LRMDA: variants seen among roughly 807,000 people sequenced by gnomAD.
LRMDA encodes the protein leucine-rich melanocyte differentiation-associated protein.
LRMDA carries 18 observed loss-of-function variants against 29.8 expected under a neutral mutation model. The observed-to-expected ratio is 0.60, with a 90% CI of 0.42 to 0.90. The LOEUF (loss-of-function observed/expected upper bound fraction) is 0.90, where lower values mean the gene tolerates loss of function less well. Among genes scored for constraint, LRMDA ranks in the 40% least tolerant of loss-of-function variants. LRMDA has a pLI of 0.00. For synonymous variants in LRMDA, 125 were observed against 109.4 expected, an observed-to-expected ratio of 1.14 and a Z score of -0.89; for missense variants, 273 against 273.9, an observed-to-expected ratio of 1.00 and a Z score of 0.02.
intron 2 of LRMDA, among the ~76,000 whole-genome samples, chr10:75,763,216 T>A (rs930460310): frequency 6.6e-6 from 1 of 152,202 alleles, no homozygotes. Flanking sequence ...GGAAATATAG[T>A]GAATAAGAAA....
intron 2 of LRMDA, among the ~76,000 whole-genome samples, chr10:75,659,139 G>A (rs1315053683): frequency 2.0e-5 from 3 of 152,214 alleles, no homozygotes; most frequent in Non-Finnish European, 2.9e-5. Flanking sequence ...CAAAGTGCAC[G>A]TCTGCCCCTG....
intron 4 of LRMDA, among the ~76,000 whole-genome samples, chr10:76,048,673 A>G (rs1239675544): frequency 6.6e-6 from 1 of 152,208 alleles, no homozygotes; most frequent in Non-Finnish European, 1.5e-5. Context: ...ATTACAACAC[A>G]ACAGTCCATA....
rs146459016 is a variant in LRMDA at position 75,862,768 on chromosome 10, G to A, written c.132-173240G>A. On this transcript the variant is annotated intron_variant, in intron 2 of 6. Coordinates refer to ENST00000611255, the MANE Select transcript of LRMDA (RefSeq NM_001305581.2). ...CCATGATCAGAAGTATTCTAAATCAGGGCTGTAATTGATCCTTTCAAAGTA... is the reference window on the plus strand; with the variant it reads ...CCATGATCAGAAGTATTCTAAATCAAGGCTGTAATTGATCCTTTCAAAGTA... 4.9e-3 allele frequency among the ~76,000 whole-genome samples: 749 copies of A among 152,260 alleles called. 12 individuals carry two copies. The highest frequency in any genetic ancestry group is 0.017 in the African/African-American group (714 of 41,542).
At chr10:76,310,711 G>A (rs72817432) in intron 5 of LRMDA, among the ~76,000 whole-genome samples, 3,160 of 152,206 alleles carry the variant, frequency 0.021, 62 homozygotes, top group Non-Finnish European at 0.033. Flanking sequence ...CAAGTTTAAG[G>A]CCATATTTTT....
chr10:75,852,150 G>A (rs1010506529), intron 2 of LRMDA, among the ~76,000 whole-genome samples: 4 of 152,186 alleles, frequency 2.6e-5, no homozygotes, highest in Admixed American at 2.0e-4. Context: ...TAGGCCCTGA[G>A]CCATTTCATC....
intron 2 of LRMDA, among the ~76,000 whole-genome samples, chr10:75,976,252 C>T (rs959525393): frequency 2.0e-5 from 3 of 152,248 alleles, no homozygotes; most frequent in Admixed American, 1.3e-4. Flanking sequence ...CCTATTCATT[C>T]GTTCATTCAT....
chr10:75,844,890 T>C (rs550423843), intron 2 of LRMDA, among the ~76,000 whole-genome samples: 1 of 152,278 alleles, frequency 6.6e-6, no homozygotes, highest in South Asian at 2.1e-4. Context: ...TTATGAACAA[T>C]GGATATTTTA....
chr10:75,546,658 A>G (rs951103191), intron 2 of LRMDA, among the ~76,000 whole-genome samples: 3 of 152,248 alleles, frequency 2.0e-5, no homozygotes, highest in Non-Finnish European at 2.9e-5. Context: ...CATTGGAATT[A>G]TAAGCAAGGC....
intron 5 of LRMDA, among the ~76,000 whole-genome samples, chr10:76,099,038 C>T (rs919290736): frequency 5.3e-5 from 8 of 152,154 alleles, no homozygotes; most frequent in South Asian, 2.1e-4. Context: ...TTAGGTTTTA[C>T]GATAGTGATG....
intron 2 of LRMDA, among the ~76,000 whole-genome samples, chr10:75,694,108 G>T (rs1274704938): frequency 6.6e-6 from 1 of 152,176 alleles, no homozygotes; most frequent in Non-Finnish European, 1.5e-5. Context: ...AAATAGGCAG[G>T]CATGCCATGG....
At chr10:75,624,917 G>A (rs1183326567) in intron 2 of LRMDA, among the ~76,000 whole-genome samples, 1 of 152,168 alleles carries the variant, frequency 6.6e-6, no homozygotes, top group African/African-American at 2.4e-5. Context: ...CAATCCAGGA[G>A]ACTTGTGGGC....
intron 2 of LRMDA, among the ~76,000 whole-genome samples, chr10:75,571,553 A>G (rs1373619254): frequency 6.6e-6 from 1 of 152,198 alleles, no homozygotes; most frequent in Admixed American, 6.5e-5. Context: ...TTAAAGGCCG[A>G]TGTTAGGATC....
At chr10:76,270,587 C>G (rs1840056456) in intron 5 of LRMDA, 1 of 152,448 alleles carries the variant, frequency 6.6e-6, no homozygotes, top group African/African-American at 2.4e-5. Context: ...TTACTGCCTG[C>G]AGCCCATTTT....
At chr10:75,637,567 G>A (rs1280026188) in intron 2 of LRMDA, among the ~76,000 whole-genome samples, 1 of 152,204 alleles carries the variant, frequency 6.6e-6, no homozygotes, top group African/African-American at 2.4e-5. Context: ...GTGTGTAGCT[G>A]TGTAGTTTTC....
chr10:76,529,362 A>G (rs1377402921), intron 6 of LRMDA, among the ~76,000 whole-genome samples: 2 of 152,170 alleles, frequency 1.3e-5, no homozygotes, highest in Admixed American at 6.5e-5. Context: ...ACTAAATGCT[A>G]TTAATAGTCA....
intron 2 of LRMDA, among the ~76,000 whole-genome samples, chr10:75,736,487 C>T (rs1271888528): frequency 1.3e-5 from 2 of 152,086 alleles, no homozygotes; most frequent in African/African-American, 2.4e-5. Flanking sequence ...TCTCATTGCT[C>T]GGTACAGAGG....
At chr10:76,103,416 G>C (rs1397728637) in intron 5 of LRMDA, among the ~76,000 whole-genome samples, 1 of 152,196 alleles carries the variant, frequency 6.6e-6, no homozygotes, top group African/African-American at 2.4e-5. Flanking sequence ...CACTGCCCTT[G>C]ACTGCTCTTC....
intron 2 of LRMDA, among the ~76,000 whole-genome samples, chr10:75,631,452 G>A (rs1841322548): frequency 1.3e-5 from 2 of 151,906 alleles, no homozygotes; most frequent in African/African-American, 4.8e-5. Context: ...GAGTGCTTTG[G>A]CCATAAGATC....
chr10:75,948,318 A>G (rs1846512466), intron 2 of LRMDA, among the ~76,000 whole-genome samples: 1 of 152,204 alleles, frequency 6.6e-6, no homozygotes, highest in African/African-American at 2.4e-5. Context: ...TTTGTTCCCG[A>G]GCAGGTTAGG....
Sources: gnomAD v4.1 joint callset for allele counts (sites outside exome capture counted in the v4.1 genomes callset) on GRCh38, gnomAD v4.1.1 for gene constraint, MANE v1.5 for transcripts, NCBI Gene and HGNC (gene_info 2026-07-23, HGNC 2026-07-21) for gene names.